The following SUCO variants were observed in gnomAD, a reference collection of about 807,000 sequenced individuals.
The protein encoded by SUCO is SUN domain-containing ossification factor.
SUCO carries 57 observed loss-of-function variants against 148.1 expected under a neutral mutation model. The observed-to-expected ratio is 0.38, with a 90% CI of 0.31 to 0.48. SUCO has a LOEUF of 0.48. SUCO is among the 20% of genes least tolerant of loss of function. The pLI, the probability that SUCO is intolerant of heterozygous loss-of-function variation, is 0.96. For missense variants in SUCO, 1,331 were observed against 1,468.2 expected (o/e 0.91, Z 1.53); for synonymous variants, 470 against 502.7 (o/e 0.93, Z 0.87).
intron 1 of SUCO, chr1:172,544,132 A>G (rs751001451): frequency 5.2e-4 from 507 of 974,658 alleles, no homozygotes; most frequent in Non-Finnish European, 5.9e-4. Flanking sequence ...ATTTTCACTG[A>G]TAACTTTAAC....
chr1:172,585,608 G>A (rs746817152), intron 16 of SUCO, among the ~76,000 whole-genome samples: 17 of 151,930 alleles, frequency 1.1e-4, no homozygotes, highest in South Asian at 6.2e-4. Flanking sequence ...TATTAATCAC[G>A]TAAGGTTACA....
chr1:172,581,466 T>C (rs1655879115), intron 15 of SUCO, among the ~76,000 whole-genome samples: 1 of 152,152 alleles, frequency 6.6e-6, no homozygotes, highest in South Asian at 2.1e-4. Context: ...TCATAAAACT[T>C]TATAGACTTG....
At chr1:172,585,787 G>T in intron 16 of SUCO, 71 bp from the exon 17 acceptor site, 1 of 1,070,162 alleles carries the variant, frequency 9.3e-7, no homozygotes. Flanking sequence ...CAAGAAATTT[G>T]TTTTAGTAAA....
chr1:172,534,289 C>T (rs367587794), intron 1 of SUCO, among the ~76,000 whole-genome samples: 2 of 152,178 alleles, frequency 1.3e-5, no homozygotes, highest in African/African-American at 2.4e-5. Flanking sequence ...GGACTGCTGT[C>T]ACCGTACTTG....
rs933998289 is a variant in SUCO at position 172,556,191 on chromosome 1, G to A, written c.443+168G>A. Among the ~76,000 whole-genome samples the A allele has an allele frequency of 3.3e-5, 5 of 152,154 alleles. No homozygotes were observed. In the East Asian group the frequency reaches 9.6e-4, roughly 29 times the overall value. On this transcript the variant is annotated intron_variant, in intron 4 of 23. Coordinates refer to ENST00000263688, the MANE Select transcript of SUCO (RefSeq NM_014283.5). ...TGTGCGTATGTGTGCATGCGTTTGT[G>A]TGTTTTGAATGTAATGATTTTATAA...
chr1:172,543,057 CAT>C, intron 1 of SUCO: 1 of 955,360 alleles, frequency 1.0e-6, no homozygotes, highest in Non-Finnish European at 1.2e-6. Flanking sequence ...AAAAAGTTAA[CAT>C]GTAGAGTAGC....
Position 172,550,866 on chromosome 1 carries a change from C to T in SUCO, c.63-646C>T. 2 of 975,636 alleles carry T rather than the reference C, an allele frequency of 2.0e-6. 1 individual carries two copies. The highest frequency in any genetic ancestry group is 9.5e-5 in the South Asian group (2 of 21,092). The allele number at this position is 975,636 out of a possible 1,614,324, so 60.4% of individuals were successfully genotyped here. A position where few individuals can be genotyped will look rare whatever the true frequency, so the allele number is the denominator to read the frequency against. On this transcript the variant is annotated intron_variant, in intron 1 of 23. Coordinates refer to ENST00000263688, the MANE Select transcript of SUCO (RefSeq NM_014283.5). Reference sequence around the variant, plus strand: ...ATTTTTCCTTGATATTTTTGCATAGCAAATCAAGTTGATTTTATTATGTTG... The same window carrying T: ...ATTTTTCCTTGATATTTTTGCATAGTAAATCAAGTTGATTTTATTATGTTG...
In SUCO at chr1:172,602,185, T is replaced by C; in HGVS notation, c.3140T>C (p.Leu1047Pro). The C allele has an allele frequency of 6.2e-7, 1 of 1,613,028 alleles. No homozygotes were observed. Among genetic ancestry groups the C allele is most frequent in the East Asian group, 2.2e-5 (1 of 44,790 alleles). The change falls in exon 21 of 24, where the codon CTT (leucine) becomes CCT (proline). Residue 1047 changes from leucine to proline, a missense_variant. Transcript: ENST00000263688. Reference sequence around the variant, plus strand: ...TTTGATGGAGATTATATTTCAAAACTTCCTAAAAGTAATCAGTATCCAAGC... The same window carrying C: ...TTTGATGGAGATTATATTTCAAAACCTCCTAAAAGTAATCAGTATCCAAGC... ...SQFDGDYISK[L>P]PKSNQYPSPK... is the part of the protein sequence containing the mutation.
At chr1:172,570,503 T>C in intron 8 of SUCO, 160 bp from the exon 9 acceptor site, 2 of 601,864 alleles carry the variant, frequency 3.3e-6, no homozygotes, top group Non-Finnish European at 5.9e-6. Flanking sequence ...GAATGGTGAA[T>C]CTTAGCCACT....
At chr1:172,572,163 G>GC (rs1349803104) in intron 9 of SUCO, among the ~76,000 whole-genome samples, 1 of 141,726 alleles carries the variant, frequency 7.1e-6, no homozygotes, top group Non-Finnish European at 1.6e-5. Context: ...GAAGTGAGGA[G>GC]CCCCTCTACC....
chr1:172,609,343 G>A (rs2149275654), intron 23 of SUCO: 2 of 984,232 alleles, frequency 2.0e-6, no homozygotes, highest in Non-Finnish European at 2.4e-6. Context: ...TTTCATCTAG[G>A]TGAAAGAACT....
chr1:172,563,690 G>C (rs1654345009), intron 6 of SUCO, among the ~76,000 whole-genome samples: 1 of 152,236 alleles, frequency 6.6e-6, no homozygotes, highest in African/African-American at 2.4e-5. Flanking sequence ...AGCCTGACTT[G>C]TGGTAGAAAA....
chr1:172,575,912 T>C (rs1447833694), intron 11 of SUCO, among the ~76,000 whole-genome samples: 1 of 151,898 alleles, frequency 6.6e-6, no homozygotes, highest in Non-Finnish European at 1.5e-5. Flanking sequence ...GTCATCTTCA[T>C]AGTATATTTC....
At position 172,610,470 on chromosome 1, in the gene SUCO, C is replaced by A; in HGVS notation, c.*211C>A. The A allele has an allele frequency of 1.8e-6, 1 of 568,716 alleles. No individual in the cohort carries two copies. Among genetic ancestry groups the A allele is most frequent in the Non-Finnish European group, 2.7e-6 (1 of 373,042 alleles). The allele number at this position is 568,716 out of a possible 1,614,324, so 35.2% of individuals were successfully genotyped here. A position where few individuals can be genotyped will look rare whatever the true frequency, so the allele number is the denominator to read the frequency against. ...CAAAGCTGATCACTTCCTATAAGGACAATGGTAGACATTTTATAAAGATGT... is the reference window on the plus strand; with the variant it reads ...CAAAGCTGATCACTTCCTATAAGGAAAATGGTAGACATTTTATAAAGATGT... On this transcript the variant is annotated 3_prime_UTR_variant, in exon 24 of 24. Coordinates refer to ENST00000263688, the MANE Select transcript of SUCO (RefSeq NM_014283.5).
At chr1:172,557,141 T>G (rs939996767) in intron 4 of SUCO, 139 bp from the exon 5 acceptor site, 47 of 1,401,496 alleles carry the variant, frequency 3.4e-5, no homozygotes, top group Non-Finnish European at 5.6e-6. Flanking sequence ...ACAGATCAAG[T>G]CAGCAATTGA....
chr1:172,610,063 G>A lies in SUCO; in HGVS notation c.3569G>A (p.Gly1190Glu), dbSNP rs1166022992. The change falls in exon 24 of 24, where the codon GGA becomes GAA. Residue 1190 changes from glycine (G) to glutamate (E), a missense_variant. Around this residue, in one of 3 missense-constraint regions of SUCO, gnomAD observed 334 missense variants for 352.3 expected, o/e 0.95. Coordinates refer to ENST00000263688, the MANE Select transcript of SUCO (RefSeq NM_014283.5). Reference protein sequence around the residue: ...GISACTSLCNGQSQKTKTEKR... With the variant: ...GISACTSLCNEQSQKTKTEKR... ...TCAGCTTGCACAAGTCTGTGCAATGGACAGTCTCAAAAGACAAAAACTGAG... is the reference window on the plus strand; with the variant it reads ...TCAGCTTGCACAAGTCTGTGCAATGAACAGTCTCAAAAGACAAAAACTGAG... 2 of 1,613,734 alleles carry A rather than the reference G, an allele frequency of 1.2e-6. No individual in the cohort carries two copies. Among genetic ancestry groups the A allele is most frequent in the Non-Finnish European group, 1.7e-6 (2 of 1,179,884 alleles).
At position 172,557,486 on chromosome 1, in the gene SUCO, T is replaced by G. The variant is rs1571206243; in HGVS notation, c.581+69T>G. The stretch of plus-strand genomic sequence containing the variant: ...ACAGCAGTGTCCTGTTTGAATGGAC[T>G]TTGGTGTATGTTAAATTCCACTTTG... On this transcript the variant is annotated intron_variant, in intron 5 of 23. Transcript: ENST00000263688. 3 of 1,582,310 alleles carry G rather than the reference T, an allele frequency of 1.9e-6. No homozygotes were observed. In the East Asian group the frequency reaches 6.7e-5, roughly 35 times the overall value.
intron 23 of SUCO, chr1:172,609,538 G>T: frequency 1.0e-6 from 1 of 978,938 alleles, no homozygotes; most frequent in Non-Finnish European, 1.2e-6. Flanking sequence ...CTCTCTGGCA[G>T]TTAGTAGGTA....
chr1:172,577,406 A>G (rs1046579252), intron 11 of SUCO, 133 bp from the exon 12 acceptor site: 9 of 832,326 alleles, frequency 1.1e-5, no homozygotes, highest in South Asian at 2.1e-5. Context: ...TAAGAATACT[A>G]CAGTGTTATC....
Sources: allele counts gnomAD v4.1 joint callset (sites outside exome capture counted in the v4.1 genomes callset), GRCh38; gene constraint gnomAD v4.1.1; regional missense constraint gnomAD v4.1.1; transcripts MANE v1.5; gene names NCBI Gene and HGNC (gene_info 2026-07-23, HGNC 2026-07-21).